FARP2: variants seen among roughly 807,000 people sequenced by gnomAD.
FARP2 encodes the protein FERM, ARHGEF and pleckstrin domain-containing protein 2.
Under a neutral mutation model 130.5 loss-of-function variants are expected in FARP2, and 111 were observed. That is an observed-to-expected ratio of 0.85 (90% confidence interval 0.73 to 1.00). The LOEUF (loss-of-function observed/expected upper bound fraction) is 1.00. Ranked by LOEUF, FARP2 falls within the 50% of genes least tolerant of loss-of-function variation. The pLI is 0.00. For missense variants in FARP2, 1,385 were observed against 1,346.3 expected, an observed-to-expected ratio of 1.03 and a Z score of -0.45; for synonymous variants, 504 against 516.9, an observed-to-expected ratio of 0.98 and a Z score of 0.34.
chr2:241,494,022 T>TC lies in FARP2; in HGVS notation c.3064dup (p.Gln1022ProfsTer161). 7.2e-7 allele frequency: 1 copy of TC among 1,394,434 alleles called. No homozygotes were observed. Among genetic ancestry groups the TC allele is most frequent in the Non-Finnish European group, 9.3e-7 (1 of 1,071,618 alleles). 86.4% of individuals were successfully genotyped at this position (1,394,434 alleles called of 1,614,324 possible). On this transcript the variant is annotated frameshift_variant, in exon 27 of 27. Transcript: ENST00000264042. LOFTEE classifies it low-confidence loss of function (END_TRUNC). This position sits in a 1 kb window ranked among gnomAD's most constrained non-coding sequence, Gnocchi z 4.9. ...CTCTCCTCCAGGTGGATGGAGGTGATCCAGGGGGCCAGCAGCTCAGCCGGG... is the reference window on the plus strand; with the variant it reads ...CTCTCCTCCAGGTGGATGGAGGTGATCCCAGGGGGCCAGCAGCTCAGCCGGG...
chr2:241,470,288 G>A (rs2064273814), intron 18 of FARP2, among the ~76,000 whole-genome samples: 3 of 152,254 alleles, frequency 2.0e-5, no homozygotes, highest in Admixed American at 1.3e-4. Flanking sequence ...TTAAGTGTAT[G>A]TTGTTGATCC....
At chr2:241,429,110 T>C (rs1280565625) in intron 8 of FARP2, among the ~76,000 whole-genome samples, 1 of 152,236 alleles carries the variant, frequency 6.6e-6, no homozygotes, top group Non-Finnish European at 1.5e-5. Flanking sequence ...GTATAGTCGC[T>C]GAAATGCCCA....
At chr2:241,444,252 GTGAACC>G (rs2063461207) in intron 13 of FARP2, 1 of 152,400 alleles carries the variant, frequency 6.6e-6, no homozygotes, top group East Asian at 1.9e-4. Flanking sequence ...AAGCGCAGCA[GTGAACC>G]TGAGGTCAGG....
At chr2:241,451,691 A>C (rs553757005) in intron 13 of FARP2, among the ~76,000 whole-genome samples, 8 of 152,332 alleles carry the variant, frequency 5.3e-5, no homozygotes, top group African/African-American at 1.9e-4. Flanking sequence ...TACCATGTCA[A>C]GTAAAGCTAA....
At chr2:241,458,597 G>A (rs1397104017) in intron 14 of FARP2, among the ~76,000 whole-genome samples, 1 of 152,110 alleles carries the variant, frequency 6.6e-6, no homozygotes, top group Non-Finnish European at 1.5e-5. Flanking sequence ...GGCCCTGGCA[G>A]CAAGACTGTT....
chr2:241,493,254 C>T (rs772939032), intron 25 of FARP2, 39 bp from the exon 26 acceptor site: 4 of 1,605,444 alleles, frequency 2.5e-6, no homozygotes, highest in Non-Finnish European at 3.4e-6. Context: ...CCTGTGGCAA[C>T]CCAGCCCCTG....
At chr2:241,429,753 C>T (rs924646591) in intron 8 of FARP2, among the ~76,000 whole-genome samples, 2 of 152,116 alleles carry the variant, frequency 1.3e-5, no homozygotes, top group Non-Finnish European at 2.9e-5. Flanking sequence ...CTGAGATGCC[C>T]ATCTGCCTTT....
At chr2:241,372,364 A>G (rs1396088141) in intron 1 of FARP2, among the ~76,000 whole-genome samples, 1 of 152,164 alleles carries the variant, frequency 6.6e-6, no homozygotes, top group Admixed American at 6.5e-5. Context: ...CCAGGCTGTC[A>G]TTCAGTTCCA....
At chr2:241,445,526 A>G (rs2063493881) in intron 13 of FARP2, 1 of 152,264 alleles carries the variant, frequency 6.6e-6, no homozygotes, top group Admixed American at 6.5e-5. Context: ...CTCCAGGAGC[A>G]ATTCAGCCTG....
intron 1 of FARP2, among the ~76,000 whole-genome samples, chr2:241,366,138 T>TATATACGTATATATATATAC: frequency 7.2e-6 from 1 of 138,442 alleles, no homozygotes; most frequent in African/African-American, 2.6e-5. Context: ...TATATATATA[T>TATATACGTATATATATATAC]ACACACACAC....
At chr2:241,406,852 G>T (rs1369120719) in intron 4 of FARP2, among the ~76,000 whole-genome samples, 1 of 152,130 alleles carries the variant, frequency 6.6e-6, no homozygotes, top group Non-Finnish European at 1.5e-5. Flanking sequence ...CTGTCGCCCA[G>T]ACTGGAGTGC....
intron 8 of FARP2, among the ~76,000 whole-genome samples, chr2:241,420,274 AG>A (rs2062773026): frequency 6.6e-6 from 1 of 152,242 alleles, no homozygotes; most frequent in African/African-American, 2.4e-5. Flanking sequence ...ACATCCTTCA[AG>A]ATGCATCATT....
At chr2:241,402,364 A>G (rs930360137) in intron 2 of FARP2, among the ~76,000 whole-genome samples, 3 of 152,170 alleles carry the variant, frequency 2.0e-5, no homozygotes, top group African/African-American at 2.4e-5. Flanking sequence ...CTGTTTTATT[A>G]TTAAAGAAAT....
chr2:241,356,800 G>A (rs1386666985), intron 1 of FARP2, among the ~76,000 whole-genome samples: 1 of 152,266 alleles, frequency 6.6e-6, no homozygotes, highest in Non-Finnish European at 1.5e-5. Context: ...GGACACCCCA[G>A]AGTGGGCCAT....
At chr2:241,367,331 C>T (rs1336730039) in intron 1 of FARP2, among the ~76,000 whole-genome samples, 1 of 152,142 alleles carries the variant, frequency 6.6e-6, no homozygotes, top group Admixed American at 6.5e-5. Flanking sequence ...CCAGCCATTT[C>T]TCATTAGCAG....
intron 21 of FARP2, among the ~76,000 whole-genome samples, chr2:241,485,585 T>A (rs2064733362): frequency 7.3e-6 from 1 of 136,678 alleles, no homozygotes. Context: ...CTTCCTGGAG[T>A]CCTCCCTTGC....
At chr2:241,491,766 G>A (rs2064922588) in intron 24 of FARP2, 87 bp downstream of exon 24, 2 of 1,336,672 alleles carry the variant, frequency 1.5e-6, no homozygotes, top group East Asian at 2.5e-5. Context: ...ACCTCAGGAG[G>A]GTACCAGCAG....
intron 5 of FARP2, among the ~76,000 whole-genome samples, chr2:241,409,811 G>T (rs573000178): frequency 6.2e-4 from 94 of 152,122 alleles, no homozygotes; most frequent in African/African-American, 2.2e-3. Flanking sequence ...ACTAAATTAG[G>T]CTGTAACATA....
intron 9 of FARP2, among the ~76,000 whole-genome samples, chr2:241,433,768 G>A (rs1339762553): frequency 6.6e-6 from 1 of 152,214 alleles, no homozygotes; most frequent in East Asian, 1.9e-4. Context: ...GTGCACACCT[G>A]TAATCCCAGT....
Sources: gnomAD v4.1 joint callset for allele counts (sites outside exome capture counted in the v4.1 genomes callset) on GRCh38, gnomAD v4.1.1 for gene constraint, Gnocchi (gnomAD v3.1) non-coding constraint, MANE v1.5 for transcripts, NCBI Gene and HGNC (gene_info 2026-07-23, HGNC 2026-07-21) for gene names.